ZNF804A: variants seen among roughly 807,000 people sequenced by gnomAD.
ZNF804A encodes zinc finger protein 804A.
ZNF804A carries 2 observed loss-of-function variants against 16.5 expected under a neutral mutation model. That is an observed-to-expected ratio of 0.12 (90% confidence interval 0.05 to 0.38). The LOEUF (loss-of-function observed/expected upper bound fraction) is 0.38. Among genes scored for constraint, ZNF804A ranks in the 10% least tolerant of loss-of-function variants. The pLI is 0.99. For synonymous variants in ZNF804A, 534 were observed against 489.6 expected (o/e 1.09, Z -1.20); for missense variants, 1,473 against 1,390.7 (o/e 1.06, Z -0.94).
chr2:184,676,895 T>C (rs1312390528), intron 1 of ZNF804A, among the ~76,000 whole-genome samples: 2 of 151,792 alleles, frequency 1.3e-5, no homozygotes, highest in East Asian at 3.9e-4. Context: ...ACTAAAAATA[T>C]AAATGTAAAT....
chr2:184,620,144 A>G (rs1295413946), intron 1 of ZNF804A, among the ~76,000 whole-genome samples: 1 of 151,838 alleles, frequency 6.6e-6, no homozygotes, highest in Admixed American at 6.6e-5. Context: ...AATATTTGAA[A>G]AACATAAAGT....
intron 1 of ZNF804A, among the ~76,000 whole-genome samples, chr2:184,736,067 A>G (rs1017055264): frequency 4.6e-5 from 7 of 152,180 alleles, no homozygotes; most frequent in Non-Finnish European, 5.9e-5. Context: ...AAAATAAGAC[A>G]TTTCATAGTC....
At chr2:184,746,926 GA>G (rs1693797124) in intron 1 of ZNF804A, among the ~76,000 whole-genome samples, 1 of 151,338 alleles carries the variant, frequency 6.6e-6, no homozygotes, top group African/African-American at 2.4e-5. Context: ...GTATTTTTGA[GA>G]AATCAAACTG....
At chr2:184,609,889 A>G (rs1375429319) in intron 1 of ZNF804A, among the ~76,000 whole-genome samples, 2 of 152,346 alleles carry the variant, frequency 1.3e-5, no homozygotes, top group East Asian at 1.9e-4. Context: ...GGAAACACCT[A>G]AAGAATGAAA....
At chr2:184,750,360 CTT>C (rs1693860486) in intron 1 of ZNF804A, among the ~76,000 whole-genome samples, 1 of 151,326 alleles carries the variant, frequency 6.6e-6, no homozygotes, top group African/African-American at 2.4e-5. Context: ...AATATTATAT[CTT>C]GAGCTCTGCC....
rs577211127 is a variant in ZNF804A at position 184,859,550 on chromosome 2, T to G, written c.112-6819T>G. ...GTGTTTTGTTAAAGTTCACTGAGCT[T>G]CCTTAAAACAATTATTTGGAATTCT... On this transcript the variant is annotated intron_variant, in intron 1 of 3. Transcript: ENST00000302277. 6.6e-5 allele frequency among the ~76,000 whole-genome samples: 10 copies of G among 152,324 alleles called. No homozygotes were observed. In the East Asian group the frequency reaches 1.9e-3, roughly 29 times the overall value.
chr2:184,750,512 T>C (rs1171137907), intron 1 of ZNF804A, among the ~76,000 whole-genome samples: 5 of 151,244 alleles, frequency 3.3e-5, no homozygotes, highest in East Asian at 1.9e-4. Flanking sequence ...AATCACTTTA[T>C]TGAGATATGT....
intron 1 of ZNF804A, among the ~76,000 whole-genome samples, chr2:184,846,119 C>T (rs184075698): frequency 2.6e-5 from 4 of 152,182 alleles, no homozygotes; most frequent in African/African-American, 7.2e-5. Flanking sequence ...GAGCTGAAAC[C>T]AGAGGTCTTT....
intron 1 of ZNF804A, among the ~76,000 whole-genome samples, chr2:184,777,321 T>G (rs542500193): frequency 6.6e-6 from 1 of 151,886 alleles, no homozygotes; most frequent in East Asian, 1.9e-4. Context: ...CCCTTCAGTG[T>G]CTTAGTTTAC....
In ZNF804A at chr2:184,933,610, A is replaced by G. The variant is rs866204252; in HGVS notation, c.263A>G (p.Lys88Arg). Residue 88 changes from lysine (K) to arginine (R), a missense_variant, in exon 3 of 4, where the codon AAG becomes AGG. By Grantham distance (26) the Lys-to-Arg change is conservative. Transcript: ENST00000302277. ...CCAACTTTTTTTTAACAGAGGCTCAAGGAACTGAAACAAAGGGAATTTGCT... is the reference window on the plus strand; with the variant it reads ...CCAACTTTTTTTTAACAGAGGCTCAGGGAACTGAAACAAAGGGAATTTGCT... ...SYDHAHKQRL[K>R]ELKQREFARN... 2 of 1,594,902 alleles carry G rather than the reference A, an allele frequency of 1.3e-6. No homozygotes were observed. Among genetic ancestry groups the G allele is most frequent in the Middle Eastern group, 1.7e-4 (1 of 5,978 alleles).
At chr2:184,851,537 C>G (rs1439599021) in intron 1 of ZNF804A, among the ~76,000 whole-genome samples, 1 of 151,854 alleles carries the variant, frequency 6.6e-6, no homozygotes, top group African/African-American at 2.4e-5. Flanking sequence ...AGAGTGATAG[C>G]ATTCCACTGC....
At chr2:184,866,202 T>G (rs1374205191) in intron 1 of ZNF804A, among the ~76,000 whole-genome samples, 167 bp from the exon 2 acceptor site, 1 of 152,224 alleles carries the variant, frequency 6.6e-6, no homozygotes, top group Non-Finnish European at 1.5e-5. Flanking sequence ...TCTTTTAATT[T>G]TTAAGTTATA....
At chr2:184,855,253 G>A (rs1355662126) in intron 1 of ZNF804A, among the ~76,000 whole-genome samples, 2 of 152,018 alleles carry the variant, frequency 1.3e-5, no homozygotes, top group African/African-American at 2.4e-5. Context: ...CAAAAGTTGT[G>A]TCCTCAGTGT....
At chr2:184,821,310 G>A (rs993159469) in intron 1 of ZNF804A, among the ~76,000 whole-genome samples, 1 of 152,040 alleles carries the variant, frequency 6.6e-6, no homozygotes, top group Non-Finnish European at 1.5e-5. Flanking sequence ...ACAAGCAATG[G>A]GGAAATGATT....
intron 1 of ZNF804A, among the ~76,000 whole-genome samples, chr2:184,852,387 G>T (rs1695619217): frequency 6.6e-6 from 1 of 150,934 alleles, no homozygotes; most frequent in Admixed American, 6.6e-5. Context: ...CTGTCCTGTT[G>T]GTTGTCTCTT....
intron 1 of ZNF804A, among the ~76,000 whole-genome samples, chr2:184,860,557 C>T (rs1695784059): frequency 6.6e-6 from 1 of 152,160 alleles, no homozygotes; most frequent in South Asian, 2.1e-4. Context: ...TAGGGTGATC[C>T]AGAGCCTGAG....
intron 1 of ZNF804A, among the ~76,000 whole-genome samples, chr2:184,625,509 C>A (rs1012732756): frequency 6.6e-5 from 10 of 151,858 alleles, no homozygotes; most frequent in African/African-American, 2.2e-4. Flanking sequence ...AAGATGAATA[C>A]AGTATAAATA....
At chr2:184,835,521 C>T (rs1327307718) in intron 1 of ZNF804A, among the ~76,000 whole-genome samples, 2 of 151,986 alleles carry the variant, frequency 1.3e-5, no homozygotes. Flanking sequence ...TTACCTCTTC[C>T]CTGTTTCAGC....
At chr2:184,749,843 T>A (rs1356473224) in intron 1 of ZNF804A, among the ~76,000 whole-genome samples, 3 of 151,294 alleles carry the variant, frequency 2.0e-5, no homozygotes, top group African/African-American at 4.8e-5. Flanking sequence ...TGTATTCAGC[T>A]TTCATTTGAA....
Sources: gnomAD v4.1 joint callset for allele counts (sites outside exome capture counted in the v4.1 genomes callset) on GRCh38, gnomAD v4.1.1 for gene constraint, MANE v1.5 for transcripts, NCBI Gene and HGNC (gene_info 2026-07-23, HGNC 2026-07-21) for gene names.